The following PCSK2 variants were observed in gnomAD, a reference collection of about 807,000 sequenced individuals.
PCSK2 encodes the protein neuroendocrine convertase 2.
PCSK2 carries 14 observed loss-of-function variants against 69.7 expected under a neutral mutation model. The observed-to-expected ratio is 0.20, with a 90% confidence interval of 0.13 to 0.31. The LOEUF (loss-of-function observed/expected upper bound fraction) is 0.31, where lower values mean the gene tolerates loss of function less well. Among genes scored for constraint, PCSK2 ranks in the 10% least tolerant of loss-of-function variants. The pLI, the probability that PCSK2 is intolerant of heterozygous loss-of-function variation, is 1.00. For missense variants in PCSK2, 544 were observed against 842.5 expected (o/e 0.65, Z 4.39); for synonymous variants, 307 against 320.7 (o/e 0.96, Z 0.46).
intron 5 of PCSK2, among the ~76,000 whole-genome samples, chr20:17,392,604 C>T (rs1008179112): frequency 2.0e-5 from 3 of 152,188 alleles, no homozygotes; most frequent in East Asian, 3.9e-4. Flanking sequence ...TTTTCCCACT[C>T]GCAGTCCTGG....
intron 2 of PCSK2, among the ~76,000 whole-genome samples, chr20:17,282,004 C>T (rs1440752850): frequency 6.6e-6 from 1 of 152,162 alleles, no homozygotes; most frequent in Non-Finnish European, 1.5e-5. Context: ...GTGCCATTCA[C>T]ACAATCCATA....
rs117310919 is a variant in PCSK2 at position 17,406,639 on chromosome 20, G to A, written c.544-2624G>A. ...GGCCAAACTATTTTCCCAGAGTCAG[G>A]AGCAGAGCCAACAGCCTCACTCAGA... On this transcript the variant is annotated intron_variant, in intron 5 of 11. Transcript: ENST00000262545. 3.6e-3 allele frequency among the ~76,000 whole-genome samples: 541 copies of A among 152,216 alleles called. 3 individuals are homozygous for A. Among genetic ancestry groups the A allele is most frequent in the Middle Eastern group, 0.014 (4 of 294 alleles).
At chr20:17,258,761 A>AGTGTGTGTGTGTGTGT (rs11467589) in intron 1 of PCSK2, among the ~76,000 whole-genome samples, 83 of 145,104 alleles carry the variant, frequency 5.7e-4, no homozygotes, top group African/African-American at 1.4e-3. Context: ...CATAATATGT[A>AGTGTGTGTGTGTGTGT]GTGTGTGTGT....
intron 6 of PCSK2, among the ~76,000 whole-genome samples, chr20:17,420,207 G>A (rs973658151): frequency 9.2e-5 from 14 of 152,160 alleles, no homozygotes; most frequent in African/African-American, 3.1e-4. Context: ...GAGAAAAAAG[G>A]CCCTCTCTGG....
intron 6 of PCSK2, among the ~76,000 whole-genome samples, chr20:17,422,110 C>T (rs561694416): frequency 1.3e-5 from 2 of 152,244 alleles, no homozygotes; most frequent in African/African-American, 4.8e-5. Flanking sequence ...GAACCAATTG[C>T]AGCTGAAAAA....
At chr20:17,457,688 T>C (rs953620504) in intron 10 of PCSK2, among the ~76,000 whole-genome samples, 1 of 152,216 alleles carries the variant, frequency 6.6e-6, no homozygotes, top group African/African-American at 2.4e-5. Flanking sequence ...ACTGTTCATC[T>C]CAGGGTCTGA....
chr20:17,284,270 G>A (rs1988434757), intron 2 of PCSK2, among the ~76,000 whole-genome samples: 1 of 152,168 alleles, frequency 6.6e-6, no homozygotes. Context: ...AGCAGCACCA[G>A]GCTTGGCCCC....
intron 1 of PCSK2, among the ~76,000 whole-genome samples, chr20:17,241,166 A>C (rs1403152774): frequency 6.6e-6 from 1 of 152,244 alleles, no homozygotes; most frequent in Non-Finnish European, 1.5e-5. Flanking sequence ...CAAAGCAGGC[A>C]ATAATACATT....
At chr20:17,479,796 C>CAAAAA (rs5840770) in intron 11 of PCSK2, among the ~76,000 whole-genome samples, 5 of 89,764 alleles carry the variant, frequency 5.6e-5, no homozygotes, top group Admixed American at 1.4e-4. Flanking sequence ...GACTCCGTCT[C>CAAAAA]AAAAAAAAAA....
chr20:17,248,885 C>G (rs1230735186), intron 1 of PCSK2, among the ~76,000 whole-genome samples: 2 of 152,250 alleles, frequency 1.3e-5, no homozygotes, highest in East Asian at 1.9e-4. Flanking sequence ...AGTAGGACCA[C>G]CACACAAGCA....
chr20:17,316,595 C>A (rs993818229), intron 2 of PCSK2, among the ~76,000 whole-genome samples: 1 of 152,124 alleles, frequency 6.6e-6, no homozygotes, highest in Non-Finnish European at 1.5e-5. Flanking sequence ...TGCTGGCAAC[C>A]CAGAATCCTT....
intron 5 of PCSK2, among the ~76,000 whole-genome samples, chr20:17,377,213 T>C (rs1426974153): frequency 6.6e-6 from 1 of 152,268 alleles, no homozygotes; most frequent in Non-Finnish European, 1.5e-5. Context: ...GGACAAATTA[T>C]GTTCTTTGGT....
At chr20:17,251,847 A>T (rs1290321853) in intron 1 of PCSK2, among the ~76,000 whole-genome samples, 1 of 152,154 alleles carries the variant, frequency 6.6e-6, no homozygotes, top group Non-Finnish European at 1.5e-5. Flanking sequence ...CAGCTAGAGG[A>T]TGACTGGTAT....
At chr20:17,249,224 A>G (rs1986878588) in intron 1 of PCSK2, among the ~76,000 whole-genome samples, 1 of 152,120 alleles carries the variant, frequency 6.6e-6, no homozygotes, top group East Asian at 1.9e-4. Flanking sequence ...ATGTTGCATT[A>G]AGTCGGGCGC....
chr20:17,275,502 G>A (rs865924578), intron 2 of PCSK2, among the ~76,000 whole-genome samples: 32 of 152,092 alleles, frequency 2.1e-4, no homozygotes, highest in African/African-American at 7.5e-4. Context: ...AGAAAGAAAG[G>A]TTCGAAAACT....
chr20:17,334,362 G>A (rs1200362699), intron 2 of PCSK2, among the ~76,000 whole-genome samples: 1 of 152,130 alleles, frequency 6.6e-6, no homozygotes, highest in Non-Finnish European at 1.5e-5. Flanking sequence ...CACTGGAAAT[G>A]AGCATGGTAC....
intron 5 of PCSK2, among the ~76,000 whole-genome samples, chr20:17,384,561 C>A (rs780265112): frequency 6.6e-6 from 1 of 152,054 alleles, no homozygotes; most frequent in Admixed American, 6.5e-5. Flanking sequence ...AAGATAGTGC[C>A]ATTGCACTCC....
rs114845283 is a variant in PCSK2, at chr20:17,376,312, G to T, written c.543+7035G>T. ...TGAGCCCAGCCCAGAGCACCTAGCT[G>T]CCAGCTGAACTGTGGACTCGTAAGC... On this transcript the variant is annotated intron_variant, in intron 5 of 11. Coordinates refer to ENST00000262545, the MANE Select transcript of PCSK2 (RefSeq NM_002594.5). Among the ~76,000 whole-genome samples, 1,290 of 152,332 alleles carry T rather than the reference G, an allele frequency of 8.5e-3. 21 individuals are homozygous for T. Among genetic ancestry groups the T allele is most frequent in the African/African-American group, 0.03 (1,229 of 41,574 alleles).
intron 2 of PCSK2, among the ~76,000 whole-genome samples, chr20:17,351,142 A>G (rs2029972865): frequency 2.0e-5 from 3 of 152,190 alleles, no homozygotes; most frequent in Admixed American, 1.3e-4. Context: ...CATGGTCATA[A>G]CTGGCACATC....
Sources: allele counts gnomAD v4.1 joint callset (sites outside exome capture counted in the v4.1 genomes callset), GRCh38; gene constraint gnomAD v4.1.1; transcripts MANE v1.5; gene names NCBI Gene and HGNC (gene_info 2026-07-23, HGNC 2026-07-21).